The following PCDH15 variants were observed in gnomAD, a reference collection of about 807,000 sequenced individuals.
PCDH15 encodes the protein protocadherin related 15.
Under a neutral mutation model 178.5 loss-of-function variants are expected in PCDH15, and 129 were observed. The observed-to-expected ratio is 0.72, with a 90% CI of 0.63 to 0.84. The LOEUF is 0.84. Among genes scored for constraint, PCDH15 ranks in the 40% least tolerant of loss-of-function variants. The pLI is 0.00. For missense variants in PCDH15, 2,230 were observed against 2,099.9 expected (o/e 1.06, Z -1.21); for synonymous variants, 800 against 732.0 (o/e 1.09, Z -1.50).
chr10:55,585,414 C>A (rs1002200074), intron 2 of PCDH15, among the ~76,000 whole-genome samples: 1 of 152,152 alleles, frequency 6.6e-6, no homozygotes, highest in Non-Finnish European at 1.5e-5. Context: ...CGCGTTGGCT[C>A]AAGCCTGTAA....
chr10:55,520,681 A>G (rs1841154494), intron 2 of PCDH15, among the ~76,000 whole-genome samples: 1 of 151,652 alleles, frequency 6.6e-6, no homozygotes. Context: ...CAAATGATTG[A>G]GAATGATACT....
intron 2 of PCDH15, among the ~76,000 whole-genome samples, chr10:55,096,758 TTTCATGTAGC>T: frequency 6.6e-6 from 1 of 152,252 alleles, no homozygotes; most frequent in South Asian, 2.1e-4. Context: ...GTCTGACTTA[TTTCATGTAGC>T]ATAACGTCCT....
intron 13 of PCDH15, among the ~76,000 whole-genome samples, chr10:54,168,180 G>A (rs1043355638): frequency 5.9e-5 from 9 of 151,980 alleles, no homozygotes; most frequent in African/African-American, 1.5e-4. Flanking sequence ...CCAGAAAATG[G>A]CACTTTGAAT....
chr10:55,430,501 C>T (rs1386262876), intron 2 of PCDH15, among the ~76,000 whole-genome samples: 1 of 151,988 alleles, frequency 6.6e-6, no homozygotes, highest in Non-Finnish European at 1.5e-5. Flanking sequence ...GTGCATTCAC[C>T]ATGGAGATTA....
intron 2 of PCDH15, among the ~76,000 whole-genome samples, chr10:55,392,070 A>G (rs2132014698): frequency 6.6e-6 from 1 of 152,308 alleles, no homozygotes. Context: ...TGGTGCAATC[A>G]GAACACACAT....
intron 25 of PCDH15, among the ~76,000 whole-genome samples, chr10:53,917,123 A>G (rs532701602): frequency 6.6e-6 from 1 of 152,314 alleles, no homozygotes; most frequent in South Asian, 2.1e-4. Flanking sequence ...ATTGGAAAAC[A>G]TATGAAAAGT....
At chr10:53,878,181 G>GCGCACA (rs150931761) in intron 26 of PCDH15, among the ~76,000 whole-genome samples, 8 of 124,936 alleles carry the variant, frequency 6.4e-5, no homozygotes, top group Non-Finnish European at 9.7e-5. Flanking sequence ...CTATACTATG[G>GCGCACA]CACACACACA....
At chr10:53,811,455 TAAA>T in intron 36 of PCDH15, 91 bp downstream of exon 36, 1 of 782,746 alleles carries the variant, frequency 1.3e-6, no homozygotes, top group South Asian at 2.4e-5. Flanking sequence ...GACATGACAT[TAAA>T]AACAAATTCT....
intron 2 of PCDH15, among the ~76,000 whole-genome samples, chr10:55,353,435 T>G (rs1214485765): frequency 6.6e-6 from 1 of 152,158 alleles, no homozygotes; most frequent in Non-Finnish European, 1.5e-5. Flanking sequence ...AAAGAGCAAG[T>G]GTTGGTTATT....
chr10:55,622,847 C>T (rs1023577978), intron 2 of PCDH15, among the ~76,000 whole-genome samples: 1 of 152,008 alleles, frequency 6.6e-6, no homozygotes, highest in Admixed American at 6.6e-5. Flanking sequence ...CGGGCTGGAC[C>T]GAGGCATTAT....
chr10:55,094,722 G>T (rs1434258170), intron 2 of PCDH15, among the ~76,000 whole-genome samples: 1 of 151,916 alleles, frequency 6.6e-6, no homozygotes. Context: ...TGAAGGAATA[G>T]AGATTAATTT....
chr10:54,261,461 A>G (rs528617829), intron 8 of PCDH15, among the ~76,000 whole-genome samples: 1 of 152,200 alleles, frequency 6.6e-6, no homozygotes, highest in African/African-American at 2.4e-5. Flanking sequence ...TAGGCAAATT[A>G]CAGATGAGAA....
chr10:54,916,833 T>C (rs1259542476), intron 2 of PCDH15, among the ~76,000 whole-genome samples: 1 of 151,910 alleles, frequency 6.6e-6, no homozygotes, highest in African/African-American at 2.4e-5. Context: ...TTCTTGCTAT[T>C]TCTAGCAACA....
At chr10:55,435,096 G>T (rs533870899) in intron 2 of PCDH15, among the ~76,000 whole-genome samples, 2 of 152,208 alleles carry the variant, frequency 1.3e-5, no homozygotes, top group Admixed American at 1.3e-4. Flanking sequence ...TGTGATTTAA[G>T]AAATCAAAAG....
chr10:55,173,493 TA>T (rs1344332549), intron 1 of PCDH15, among the ~76,000 whole-genome samples: 1 of 152,060 alleles, frequency 6.6e-6, no homozygotes, highest in Admixed American at 6.6e-5. Context: ...ATTTCATAGG[TA>T]AAAATTAATA....
chr10:55,013,835 C>A (rs1349826849), intron 2 of PCDH15, among the ~76,000 whole-genome samples: 2 of 151,958 alleles, frequency 1.3e-5, no homozygotes, highest in East Asian at 3.9e-4. Flanking sequence ...AGTGAATATG[C>A]AAATGAATAA....
At chr10:54,192,004 G>A (rs2049048769) in intron 11 of PCDH15, among the ~76,000 whole-genome samples, 1 of 137,236 alleles carries the variant, frequency 7.3e-6, no homozygotes, top group South Asian at 2.7e-4. Flanking sequence ...AGGAAAGGAA[G>A]GGAGAGAGAA....
intron 8 of PCDH15, among the ~76,000 whole-genome samples, chr10:54,276,406 T>A (rs2058354848): frequency 6.6e-6 from 1 of 151,638 alleles, no homozygotes; most frequent in Non-Finnish European, 1.5e-5. Context: ...GTTGAACAAG[T>A]CAAACTATTA....
rs549619919 is a variant in PCDH15, at chr10:54,155,661, C to T, written c.1591-2368G>A. Among the ~76,000 whole-genome samples the T allele has an allele frequency of 2.7e-4, 41 of 151,636 alleles. 1 individual carries two copies. In the South Asian group the frequency reaches 4.2e-3, roughly 15 times the overall value. ...TAATAGTGTCTTCCATGTAAGATCCCGAAAACTCAAGACCTTTTTTTTTTT... is the reference window on the plus strand; with the variant it reads ...TAATAGTGTCTTCCATGTAAGATCCTGAAAACTCAAGACCTTTTTTTTTTT... On this transcript the variant is annotated intron_variant, in intron 13 of 37. Transcript: ENST00000644397.
Sources: allele counts gnomAD v4.1 joint callset (sites outside exome capture counted in the v4.1 genomes callset), GRCh38; gene constraint gnomAD v4.1.1; transcripts MANE v1.5; gene names NCBI Gene and HGNC (gene_info 2026-07-23, HGNC 2026-07-21).